Variants in SLC17A6 observed in about 807,000 individuals in gnomAD.
The protein encoded by SLC17A6 is vesicular glutamate transporter 2.
In SLC17A6, 35 loss-of-function variants were observed where a neutral mutation model predicts 67.1. The observed-to-expected ratio is 0.52, with a 90% CI of 0.40 to 0.69. The LOEUF is 0.69. Among genes scored for constraint, SLC17A6 ranks in the 30% least tolerant of loss-of-function variants. SLC17A6 has a pLI of 0.00. For synonymous variants in SLC17A6, 285 were observed against 252.3 expected, an observed-to-expected ratio of 1.13 and a Z score of -1.23; for missense variants, 588 against 723.9, an observed-to-expected ratio of 0.81 and a Z score of 2.15.
chr11:22,375,404 T>C (rs977189943), intron 9 of SLC17A6, among the ~76,000 whole-genome samples: 1 of 151,984 alleles, frequency 6.6e-6, no homozygotes, highest in African/African-American at 2.4e-5. Context: ...TAAATAATAA[T>C]GCCATTTGTA....
chr11:22,351,557 C>T (rs1362046954), intron 3 of SLC17A6, among the ~76,000 whole-genome samples: 4 of 152,084 alleles, frequency 2.6e-5, no homozygotes, highest in Non-Finnish European at 5.9e-5. Context: ...TTATGGACCC[C>T]AGGATGTCTG....
chr11:22,370,175 T>C lies in SLC17A6; in HGVS notation c.1028T>C (p.Phe343Ser). 1 of 1,605,996 alleles carries C rather than the reference T, an allele frequency of 6.2e-7. No homozygotes were observed. The highest frequency in any genetic ancestry group is 8.5e-7 in the Non-Finnish European group (1 of 1,177,338). ...QPAYFEEVFG[F>S]EISKVGMLSA... ...GCATATTTTGAGGAAGTCTTTGGAT[T>C]TGAAATTAGCAAGGTATGTAAAATG... is the stretch of plus-strand genomic sequence containing the variant. Residue 343 changes from phenylalanine to serine, a missense_variant, in exon 8 of 12, where the codon TTT becomes TCT. Around this residue, in one of 4 missense-constraint regions of SLC17A6, gnomAD observed 414 missense variants for 563.4 expected, o/e 0.73. Transcript: ENST00000263160.
In SLC17A6 at chr11:22,377,754, T is replaced by C. The variant is rs1170079587; in HGVS notation, c.*14T>C. 2 of 1,522,166 alleles carry C rather than the reference T, an allele frequency of 1.3e-6. No homozygotes were observed. Among genetic ancestry groups the C allele is most frequent in the Non-Finnish European group, 8.8e-7 (1 of 1,133,496 alleles). 94.3% of individuals were successfully genotyped at this position (1,522,166 alleles called of 1,614,324 possible). On this transcript the variant is annotated 3_prime_UTR_variant, in exon 12 of 12. Coordinates refer to ENST00000263160, the MANE Select transcript of SLC17A6 (RefSeq NM_020346.3). ...GATTATTCATAACAAAACTAATTAC[T>C]GGATTTATTTTTAGTGTTTGTGATT...
intron 3 of SLC17A6, among the ~76,000 whole-genome samples, chr11:22,357,744 A>G (rs1856007080): frequency 6.6e-6 from 1 of 152,218 alleles, no homozygotes; most frequent in Non-Finnish European, 1.5e-5. Context: ...AAACAATTAT[A>G]ATAAAATAAG....
intron 6 of SLC17A6, among the ~76,000 whole-genome samples, chr11:22,363,891 G>A (rs1856079349): frequency 6.6e-6 from 1 of 152,006 alleles, no homozygotes; most frequent in African/African-American, 2.4e-5. Flanking sequence ...TGTTTTATAG[G>A]ATGTATTGTA....
At chr11:22,374,719 T>C in intron 8 of SLC17A6, 36 bp from the exon 9 acceptor site, 1 of 1,539,814 alleles carries the variant, frequency 6.5e-7, no homozygotes, top group Non-Finnish European at 8.7e-7. Flanking sequence ...TTATTTATGG[T>C]TATGTCTATT....
chr11:22,343,914 G>C (rs1855848016), intron 3 of SLC17A6, among the ~76,000 whole-genome samples: 1 of 152,094 alleles, frequency 6.6e-6, no homozygotes, highest in Non-Finnish European at 1.5e-5. Flanking sequence ...GCGTAGGGGC[G>C]GGCGTTGGGG....
intron 3 of SLC17A6, among the ~76,000 whole-genome samples, chr11:22,344,396 T>C (rs578164962): frequency 6.6e-6 from 1 of 152,330 alleles, no homozygotes; most frequent in East Asian, 1.9e-4. Flanking sequence ...GGCCCCATAC[T>C]GCATCTTTTG....
rs765710869 is a variant in SLC17A6 at position 22,341,757 on chromosome 11, C to A, written c.316C>A (p.Arg106Ser). 6.2e-7 allele frequency: 1 copy of A among 1,614,132 alleles called. No individual in the cohort carries two copies. Among genetic ancestry groups the A allele is most frequent in the Admixed American group, 1.7e-5 (1 of 60,028 alleles). Reference sequence around the variant, plus strand: ...CATGGTCAACAACAGCACCATCCACCGCGGGGGCAAGGTCATCAAGGAGGT... The same window carrying A: ...CATGGTCAACAACAGCACCATCCACAGCGGGGGCAAGGTCATCAAGGAGGT... ...VDMVNNSTIH[R>S]GGKVIKEKAK... is the part of the protein sequence containing the mutation. The change falls in exon 2 of 12, where the codon CGC (arginine) becomes AGC (serine). Residue 106 changes from arginine (R) to serine (S), a missense_variant. By Grantham distance (110) the Arg-to-Ser change is moderately radical (BLOSUM62 -1). This residue lies in a region of SLC17A6 where 48 missense variants were observed against 36.5 expected (regional missense o/e 1.32). Coordinates refer to ENST00000263160, the MANE Select transcript of SLC17A6 (RefSeq NM_020346.3).
chr11:22,361,066 A>C, intron 5 of SLC17A6, 82 bp downstream of exon 5: 7 of 1,100,794 alleles, frequency 6.4e-6, no homozygotes, highest in Non-Finnish European at 8.0e-6. Flanking sequence ...TGGTAAACTC[A>C]CCTGTAAAAC....
chr11:22,377,054 T>C (rs911075442), intron 11 of SLC17A6, among the ~76,000 whole-genome samples: 2 of 152,096 alleles, frequency 1.3e-5, no homozygotes, highest in African/African-American at 4.8e-5. Flanking sequence ...TGTACTTATA[T>C]GTGTATGCAG....
chr11:22,355,282 A>T (rs1590384668), intron 3 of SLC17A6, among the ~76,000 whole-genome samples: 1 of 152,186 alleles, frequency 6.6e-6, no homozygotes, highest in African/African-American at 2.4e-5. Flanking sequence ...AAGACAAGGA[A>T]GCAGAAGTTT....
chr11:22,379,453 T>C lies in SLC17A6; in HGVS notation c.*1713T>C, dbSNP rs183717739. On this transcript the variant is annotated 3_prime_UTR_variant, in exon 12 of 12. Coordinates refer to ENST00000263160, the MANE Select transcript of SLC17A6 (RefSeq NM_020346.3). ...TGAAAATATGTGGACTGTCATTTTG[T>C]TGCAGCAAAAAAGTGTTAATAAAAT... The C allele has an allele frequency of 5.9e-5, 9 of 152,604 alleles. No individual in the cohort carries two copies. In the East Asian group the frequency reaches 1.7e-3, roughly 30 times the overall value. 9.5% of individuals were successfully genotyped at this position (152,604 alleles called of 1,614,324 possible).
At chr11:22,374,350 A>C (rs759014890) in intron 8 of SLC17A6, among the ~76,000 whole-genome samples, 40 of 152,340 alleles carry the variant, frequency 2.6e-4, no homozygotes, top group Admixed American at 2.2e-3. Context: ...CATTTTTCCC[A>C]TATGAATTAA....
intron 3 of SLC17A6, among the ~76,000 whole-genome samples, chr11:22,352,351 A>C (rs1413685617): frequency 6.6e-6 from 1 of 152,254 alleles, no homozygotes; most frequent in African/African-American, 2.4e-5. Flanking sequence ...TTATTCTATG[A>C]AAATAACTCA....
chr11:22,371,653 A>C (rs1856176920), intron 8 of SLC17A6, among the ~76,000 whole-genome samples: 1 of 152,058 alleles, frequency 6.6e-6, no homozygotes, highest in South Asian at 2.1e-4. Context: ...CTGTGTGGTC[A>C]TTTTGGTCCT....
intron 6 of SLC17A6, among the ~76,000 whole-genome samples, chr11:22,364,101 A>G (rs1856081767): frequency 6.6e-6 from 1 of 152,172 alleles, no homozygotes; most frequent in South Asian, 2.1e-4. Flanking sequence ...TGAAAATACC[A>G]TATCATAGTA....
At chr11:22,344,057 T>C (rs1322719920) in intron 3 of SLC17A6, among the ~76,000 whole-genome samples, 1 of 152,058 alleles carries the variant, frequency 6.6e-6, no homozygotes. Flanking sequence ...TAAGGACCGA[T>C]GGGGTGGAGG....
At chr11:22,354,307 C>A (rs1855974716) in intron 3 of SLC17A6, among the ~76,000 whole-genome samples, 2 of 152,258 alleles carry the variant, frequency 1.3e-5, no homozygotes, top group Admixed American at 1.3e-4. Context: ...TGGTCTTGAA[C>A]TCCTGACCTC....
Sources: allele counts gnomAD v4.1 joint callset (sites outside exome capture counted in the v4.1 genomes callset), GRCh38; gene constraint gnomAD v4.1.1; regional missense constraint gnomAD v4.1.1; transcripts MANE v1.5; gene names NCBI Gene and HGNC (gene_info 2026-07-23, HGNC 2026-07-21).